PLCB1: variants seen among roughly 807,000 people sequenced by gnomAD.
PLCB1 encodes the protein 1-phosphatidylinositol 4,5-bisphosphate phosphodiesterase beta-1.
A neutral mutation model predicts 161.8 loss-of-function variants in PLCB1; 46 were observed. That is an observed-to-expected ratio of 0.28 (90% CI 0.22 to 0.36). The LOEUF is 0.36. Ranked by LOEUF, PLCB1 falls within the 10% of genes least tolerant of loss-of-function variation. The pLI is 1.00. For synonymous variants in PLCB1, 517 were observed against 503.7 expected, an observed-to-expected ratio of 1.03 and a Z score of -0.35; for missense variants, 1,016 against 1,472.5, an observed-to-expected ratio of 0.69 and a Z score of 5.07.
intron 2 of PLCB1, among the ~76,000 whole-genome samples, chr20:8,268,981 TGGAGGAAG>T (rs1982130331): frequency 6.6e-6 from 1 of 152,178 alleles, no homozygotes; most frequent in Non-Finnish European, 1.5e-5. Flanking sequence ...GAGGCAGTCT[TGGAGGAAG>T]GGACATCAAC....
chr20:8,722,478 G>A, intron 15 of PLCB1, 57 bp downstream of exon 15: 1 of 1,276,832 alleles, frequency 7.8e-7, no homozygotes, highest in Non-Finnish European at 1.1e-6. Context: ...ACTCTCCTGG[G>A]TCTGTCTCAT....
intron 4 of PLCB1, among the ~76,000 whole-genome samples, chr20:8,633,175 G>T: frequency 6.6e-6 from 1 of 151,836 alleles, no homozygotes; most frequent in Middle Eastern, 3.4e-3. Flanking sequence ...GTGATGGCAT[G>T]TGTTTATGGA....
chr20:8,622,340 A>G (rs1988209492), intron 3 of PLCB1, among the ~76,000 whole-genome samples: 2 of 152,200 alleles, frequency 1.3e-5, no homozygotes, highest in Non-Finnish European at 2.9e-5. Context: ...AGATTAATCA[A>G]TATTGAGATA....
chr20:8,457,714 G>GCGCACACA (rs1555808428), intron 3 of PLCB1, among the ~76,000 whole-genome samples: 14,863 of 145,502 alleles, frequency 0.1, 914 homozygotes, highest in East Asian at 0.17. Flanking sequence ...ATGTGTGCGC[G>GCGCACACA]CACACACACA....
At chr20:8,849,446 C>G (rs1230704251) in intron 31 of PLCB1, among the ~76,000 whole-genome samples, 2 of 149,640 alleles carry the variant, frequency 1.3e-5, no homozygotes, top group Non-Finnish European at 3.0e-5. Flanking sequence ...GAGGCCGAGG[C>G]AGGCAGATCA....
chr20:8,672,371 C>G (rs1247106066), intron 9 of PLCB1, among the ~76,000 whole-genome samples: 1 of 149,902 alleles, frequency 6.7e-6, no homozygotes, highest in East Asian at 2.0e-4. Flanking sequence ...CTAAGGCTCT[C>G]TTCTTCCTTG....
chr20:8,606,677 CT>C (rs1229154015), intron 3 of PLCB1, among the ~76,000 whole-genome samples: 1 of 152,108 alleles, frequency 6.6e-6, no homozygotes, highest in Non-Finnish European at 1.5e-5. Context: ...TTCTGTCAGG[CT>C]TTGAATGAGG....
At chr20:8,489,351 GCTGA>G (rs1317063448) in intron 3 of PLCB1, among the ~76,000 whole-genome samples, 1 of 152,126 alleles carries the variant, frequency 6.6e-6, no homozygotes, top group Non-Finnish European at 1.5e-5. Flanking sequence ...ACCACTGGGA[GCTGA>G]CTATTATTAT....
Position 8,658,247 on chromosome 20 carries a change from G to A in PLCB1, c.696-291G>A, listed in dbSNP as rs991510697. Reference sequence around the variant, plus strand: ...AAAACCTCTGTGTTCGGTTTAGAGTGGTGCACCCTTATGCACATGATGCAG... The same window carrying A: ...AAAACCTCTGTGTTCGGTTTAGAGTAGTGCACCCTTATGCACATGATGCAG... On this transcript the variant is annotated intron_variant, in intron 8 of 31. Transcript: ENST00000338037. 3.3e-5 allele frequency among the ~76,000 whole-genome samples: 5 copies of A among 152,120 alleles called. No homozygotes were observed. The East Asian group carries it at 9.7e-4, about 29-fold the overall frequency.
intron 4 of PLCB1, among the ~76,000 whole-genome samples, chr20:8,642,719 AAC>A (rs1471026489): frequency 6.6e-6 from 1 of 152,228 alleles, no homozygotes; most frequent in East Asian, 1.9e-4. Flanking sequence ...TAAATAGTGA[AAC>A]ACAGAGAATT....
At chr20:8,484,639 G>A (rs1208854204) in intron 3 of PLCB1, among the ~76,000 whole-genome samples, 3 of 152,240 alleles carry the variant, frequency 2.0e-5, no homozygotes, top group South Asian at 4.2e-4. Flanking sequence ...ATGAGCCACC[G>A]GCCTGCTAGC....
Position 8,402,556 on chromosome 20 carries a change from C to T in PLCB1, c.246+31106C>T, listed in dbSNP as rs190741613. 9.2e-5 allele frequency among the ~76,000 whole-genome samples: 14 copies of T among 151,840 alleles called. No individual in the cohort carries two copies. In the East Asian group the frequency reaches 2.1e-3, roughly 23 times the overall value. Reference sequence around the variant, plus strand: ...ATCTTTTAAAAAATAGTTTCCAGGCCGGGCGTGGTGGCTCATGTCTGTAAT... The same window carrying T: ...ATCTTTTAAAAAATAGTTTCCAGGCTGGGCGTGGTGGCTCATGTCTGTAAT... On this transcript the variant is annotated intron_variant, in intron 3 of 31. Coordinates refer to ENST00000338037, the MANE Select transcript of PLCB1 (RefSeq NM_015192.4).
At chr20:8,484,887 C>A (rs939508994) in intron 3 of PLCB1, among the ~76,000 whole-genome samples, 1 of 152,170 alleles carries the variant, frequency 6.6e-6, no homozygotes, top group African/African-American at 2.4e-5. Context: ...GCTATATCCC[C>A]CAGTTGTGCA....
chr20:8,461,417 G>A (rs1450579062), intron 3 of PLCB1, among the ~76,000 whole-genome samples: 1 of 152,056 alleles, frequency 6.6e-6, no homozygotes, highest in Non-Finnish European at 1.5e-5. Flanking sequence ...ATCCCTCTAA[G>A]CATCAATTTC....
chr20:8,430,609 A>C (rs1004024181), intron 3 of PLCB1, among the ~76,000 whole-genome samples: 1 of 152,200 alleles, frequency 6.6e-6, no homozygotes, highest in African/African-American at 2.4e-5. Flanking sequence ...AGGCCAACCT[A>C]ACTGCAGCAG....
rs181058000 is a variant in PLCB1, at chr20:8,584,831, T to C, written c.247-43463T>C. On this transcript the variant is annotated intron_variant, in intron 3 of 31. Transcript: ENST00000338037. ...TCAGCCTCCTTAGTAGCTGGGACTATAGGCGCCCGCCACCACACCTGACTA... is the reference window on the plus strand; with the variant it reads ...TCAGCCTCCTTAGTAGCTGGGACTACAGGCGCCCGCCACCACACCTGACTA... 5.3e-3 allele frequency among the ~76,000 whole-genome samples: 800 copies of C among 152,050 alleles called. 3 individuals are homozygous for C. The highest frequency in any genetic ancestry group is 0.017 in the Middle Eastern group (5 of 294).
chr20:8,196,750 T>C (rs996329871), intron 2 of PLCB1, among the ~76,000 whole-genome samples: 1 of 151,984 alleles, frequency 6.6e-6, no homozygotes, highest in Non-Finnish European at 1.5e-5. Context: ...ACATGTGCCA[T>C]GTTGGTGTGC....
chr20:8,512,612 A>G (rs1983935790), intron 3 of PLCB1, among the ~76,000 whole-genome samples: 1 of 151,912 alleles, frequency 6.6e-6, no homozygotes, highest in Non-Finnish European at 1.5e-5. Flanking sequence ...GGGTGCATTT[A>G]TGGGGTGCAA....
chr20:8,260,760 T>C (rs763303297), intron 2 of PLCB1, among the ~76,000 whole-genome samples: 12 of 152,078 alleles, frequency 7.9e-5, no homozygotes, highest in Non-Finnish European at 1.6e-4. Context: ...TGGTTAGCAG[T>C]GTTGTTCATG....
Sources: gnomAD v4.1 joint callset for allele counts (sites outside exome capture counted in the v4.1 genomes callset) on GRCh38, gnomAD v4.1.1 for gene constraint, MANE v1.5 for transcripts, NCBI Gene and HGNC (gene_info 2026-07-23, HGNC 2026-07-21) for gene names.